IGLON5: variants seen among roughly 807,000 people sequenced by gnomAD.
IGLON5 encodes the protein Ig-like domain-containing protein ENSP00000270642.
A neutral mutation model predicts 38.2 loss-of-function variants in IGLON5; 16 were observed. The observed-to-expected ratio is 0.42, with a 90% CI of 0.28 to 0.64. The LOEUF is 0.64. Among genes scored for constraint, IGLON5 ranks in the 30% least tolerant of loss-of-function variants. IGLON5 has a pLI of 0.23. For missense variants in IGLON5, 366 were observed against 483.4 expected, an observed-to-expected ratio of 0.76 and a Z score of 2.28; for synonymous variants, 207 against 216.4, an observed-to-expected ratio of 0.96 and a Z score of 0.38.
intron 2 of IGLON5, 52 bp downstream of exon 2, chr19:51,322,194 G>A (rs1985078364): frequency 2.1e-6 from 3 of 1,419,010 alleles, no homozygotes; most frequent in South Asian, 2.3e-5. Context: ...ATGCGGTCCT[G>A]CCCCTTCACC....
chr19:51,313,924 C>T (rs915052301), intron 1 of IGLON5, among the ~76,000 whole-genome samples: 3 of 151,756 alleles, frequency 2.0e-5, no homozygotes, highest in African/African-American at 4.8e-5. Context: ...ATGGGGGTCT[C>T]ACTATATTGC....
At chr19:51,328,115 G>A (rs1381422563) in intron 7 of IGLON5, among the ~76,000 whole-genome samples, 1 of 152,234 alleles carries the variant, frequency 6.6e-6, no homozygotes, top group African/African-American at 2.4e-5. Flanking sequence ...AACAAGGTTT[G>A]GGGATTCGCA....
intron 1 of IGLON5, among the ~76,000 whole-genome samples, chr19:51,316,489 TTTTC>T (rs1351611961): frequency 6.7e-6 from 1 of 149,612 alleles, no homozygotes; most frequent in African/African-American, 2.4e-5. Flanking sequence ...TTTTCTTTTC[TTTTC>T]TTTTCTTTTT....
Position 51,311,886 on chromosome 19 carries a change from C to T in IGLON5, c.39C>T (p.Leu13=). ...PPAPGARLRL[L]AAAALAGLAV... Reference sequence around the variant, plus strand: ...CGCCCGGGGCCCGGCTCCGGCTTCTCGCCGCCGCCGCCCTGGCCGGCTTGG... The same window carrying T: ...CGCCCGGGGCCCGGCTCCGGCTTCTTGCCGCCGCCGCCCTGGCCGGCTTGG... The change falls in exon 1 of 8, where the codon CTC becomes CTT. Residue 13 remains leucine, a synonymous_variant. Transcript: ENST00000270642. 5.2e-6 allele frequency: 7 copies of T among 1,352,364 alleles called. No individual in the cohort carries two copies. Among genetic ancestry groups the T allele is most frequent in the Non-Finnish European group, 6.7e-6 (7 of 1,046,830 alleles). 83.8% of individuals were successfully genotyped at this position (1,352,364 alleles called of 1,614,324 possible).
At position 51,325,639 on chromosome 19, in the gene IGLON5, G is replaced by A. The variant is rs1985197891; in HGVS notation, c.511+174G>A. 6.6e-6 allele frequency among the ~76,000 whole-genome samples: 1 copy of A among 151,844 alleles called. No individual in the cohort carries two copies. Among genetic ancestry groups the A allele is most frequent in the South Asian group, 2.1e-4 (1 of 4,818 alleles). The stretch of plus-strand genomic sequence containing the variant: ...CAGACCACAAACCCCAGACCTAAGA[G>A]GCGTCACCACTGGCTTTCCACCTGC... On this transcript the variant is annotated intron_variant, in intron 4 of 7. Transcript: ENST00000270642. This position sits in a 1 kb window ranked among gnomAD's most constrained non-coding sequence, Gnocchi z 5.5.
intron 1 of IGLON5, among the ~76,000 whole-genome samples, chr19:51,318,573 T>TA (rs879551721): frequency 0.024 from 3,438 of 144,410 alleles, 139 homozygotes; most frequent in African/African-American, 0.082. Flanking sequence ...CCTCGTCTCT[T>TA]AAAAAAAAAA....
At chr19:51,320,347 T>C (rs1258436448) in intron 1 of IGLON5, among the ~76,000 whole-genome samples, 1 of 152,170 alleles carries the variant, frequency 6.6e-6, no homozygotes, top group Non-Finnish European at 1.5e-5. Context: ...GGCCATTAAT[T>C]CATTATATTA....
At chr19:51,314,101 C>G (rs1050764249) in intron 1 of IGLON5, among the ~76,000 whole-genome samples, 1 of 151,712 alleles carries the variant, frequency 6.6e-6, no homozygotes, top group African/African-American at 2.4e-5. Flanking sequence ...GATCCTGTAC[C>G]CTTTGTGACC....
chr19:51,321,517 G>T (rs1200044033), intron 1 of IGLON5, among the ~76,000 whole-genome samples: 2 of 152,128 alleles, frequency 1.3e-5, no homozygotes, highest in Non-Finnish European at 2.9e-5. Context: ...ATTGGTATGT[G>T]TGTCGCTGTA....
chr19:51,322,001 A>G (rs528078229), intron 1 of IGLON5, 63 bp from the exon 2 acceptor site: 1 of 1,317,110 alleles, frequency 7.6e-7, no homozygotes, highest in African/African-American at 1.4e-5. Flanking sequence ...ACATGTGTGC[A>G]GGTGCTACCA....
intron 2 of IGLON5, 149 bp from the exon 3 acceptor site, chr19:51,323,513 G>C (rs1985129849): frequency 1.5e-6 from 1 of 652,892 alleles, no homozygotes. Flanking sequence ...CTTACCCCCA[G>C]CTGTATGGTG....
At position 51,325,793 on chromosome 19, in the gene IGLON5, A is replaced by G. The variant is rs1480380684; in HGVS notation, c.511+328A>G. 6.6e-6 allele frequency among the ~76,000 whole-genome samples: 1 copy of G among 151,980 alleles called. No homozygotes were observed. The highest frequency in any genetic ancestry group is 1.9e-4 in the East Asian group (1 of 5,142). On this transcript the variant is annotated intron_variant, in intron 4 of 7. Transcript: ENST00000270642. This position sits in a 1 kb window ranked among gnomAD's most constrained non-coding sequence, Gnocchi z 5.5. Reference sequence around the variant, plus strand: ...TTCTCCTGGGCTGAGATCCCCTGCCACTAGGTGCCCTAAGCCAGGCTGCAC... The same window carrying G: ...TTCTCCTGGGCTGAGATCCCCTGCCGCTAGGTGCCCTAAGCCAGGCTGCAC...
intron 1 of IGLON5, among the ~76,000 whole-genome samples, chr19:51,313,966 G>A (rs1214952141): frequency 1.3e-5 from 2 of 151,810 alleles, no homozygotes; most frequent in Non-Finnish European, 2.9e-5. Context: ...GGCCTCAAGT[G>A]ATCCTCCCAC....
At chr19:51,326,936 AC>A in intron 5 of IGLON5, 38 bp downstream of exon 5, 1 of 1,571,338 alleles carries the variant, frequency 6.4e-7, no homozygotes, top group Admixed American at 1.9e-5. Flanking sequence ...AGGGTGGCGG[AC>A]CCCCGAGTCC....
Position 51,326,850 on chromosome 19 carries a change from G to C in IGLON5, c.598G>C (p.Gly200Arg), listed in dbSNP as rs2123535045. Residue 200 changes from glycine (G) to arginine (R), a missense_variant, in exon 5 of 8, where the codon GGG becomes CGG. Physicochemically the swap from Gly to Arg is moderately radical, Grantham distance 125 (BLOSUM62 -2). Coordinates refer to ENST00000270642, the MANE Select transcript of IGLON5 (RefSeq NM_001101372.3). ...AGEYECVTHNGVNSAPDSRRV... is the reference protein window; with the variant it reads ...AGEYECVTHNRVNSAPDSRRV... ...GGAGTATGAGTGCGTGACTCACAAC[G>C]GGGTTAACTCGGCGCCCGACAGCCG... 6.4e-7 allele frequency: 1 copy of C among 1,558,780 alleles called. No individual in the cohort carries two copies. Among genetic ancestry groups the C allele is most frequent in the Non-Finnish European group, 8.7e-7 (1 of 1,151,356 alleles).
chr19:51,320,749 C>T (rs1030907873), intron 1 of IGLON5, among the ~76,000 whole-genome samples: 3 of 151,780 alleles, frequency 2.0e-5, no homozygotes, highest in African/African-American at 4.8e-5. Context: ...GATCTCTGTG[C>T]GCACGTGTTC....
chr19:51,328,599 G>C, intron 7 of IGLON5, 72 bp from the exon 8 acceptor site: 2 of 948,364 alleles, frequency 2.1e-6, no homozygotes, highest in Non-Finnish European at 3.1e-6. Context: ...AGAAGAGATG[G>C]GGCCCCTGGA....
In IGLON5 at chr19:51,325,347, C is replaced by G; in HGVS notation, c.393C>G (p.Val131=). The change falls in exon 4 of 8, where the codon GTC becomes GTG. Residue 131 remains valine, a splice_region_variant and synonymous_variant. Transcript: ENST00000270642. The surrounding 1 kb of genome is among the most constrained non-coding windows in gnomAD (Gnocchi z 5.5). ...TTCAGCCTCTGCCGCTGCCCGCAGT[C>G]CCTGCCCGCATTGTGAACATCTCGT... The part of the protein sequence containing the change: ...YTTQVYLIVH[V]PARIVNISSP... 1 of 1,613,596 alleles carries G rather than the reference C, an allele frequency of 6.2e-7. No homozygotes were observed. Among genetic ancestry groups the G allele is most frequent in the Non-Finnish European group, 8.5e-7 (1 of 1,179,740 alleles).
intron 1 of IGLON5, among the ~76,000 whole-genome samples, chr19:51,312,249 TGAG>T (rs1348109053): frequency 6.9e-6 from 1 of 144,972 alleles, no homozygotes; most frequent in African/African-American, 2.6e-5. Context: ...CGGCTCCTGT[TGAG>T]GAGGGGGCAG....
Sources: gnomAD v4.1 joint callset for allele counts (sites outside exome capture counted in the v4.1 genomes callset) on GRCh38, gnomAD v4.1.1 for gene constraint, Gnocchi (gnomAD v3.1) non-coding constraint, MANE v1.5 for transcripts, NCBI Gene and HGNC (gene_info 2026-07-23, HGNC 2026-07-21) for gene names.